Variants in C12orf50 observed in about 807,000 individuals in gnomAD.
C12orf50 encodes uncharacterized protein C12orf50.
Under a neutral mutation model 61.6 loss-of-function variants are expected in C12orf50, and 35 were observed. The ratio of observed to expected loss-of-function variants is 0.57; its 90% CI spans 0.43 to 0.75. The LOEUF is 0.75. Ranked by LOEUF, C12orf50 falls within the 30% of genes least tolerant of loss-of-function variation. C12orf50 has a pLI of 0.00. For synonymous variants in C12orf50, 178 were observed against 161.5 expected, an observed-to-expected ratio of 1.10 and a Z score of -0.77; for missense variants, 475 against 488.5, an observed-to-expected ratio of 0.97 and a Z score of 0.26.
chr12:87,982,400 C>T (rs1026131949), intron 12 of C12orf50, among the ~76,000 whole-genome samples: 1 of 152,176 alleles, frequency 6.6e-6, no homozygotes, highest in Non-Finnish European at 1.5e-5. Context: ...CCTTGAGTCA[C>T]AGTTGTAGTC....
At chr12:88,017,565 A>C (rs886737366) in intron 3 of C12orf50, among the ~76,000 whole-genome samples, 1 of 152,208 alleles carries the variant, frequency 6.6e-6, no homozygotes, top group Admixed American at 6.5e-5. Flanking sequence ...AAAAATGTGG[A>C]AGCAACTTTG....
chr12:88,017,559 A>C (rs796863853), intron 3 of C12orf50, among the ~76,000 whole-genome samples: 1 of 152,352 alleles, frequency 6.6e-6, no homozygotes, highest in African/African-American at 2.4e-5. Flanking sequence ...ATACCCAAAA[A>C]TGTGGAAGCA....
At chr12:88,028,708 C>A (rs2032795257) in intron 1 of C12orf50, among the ~76,000 whole-genome samples, 1 of 152,026 alleles carries the variant, frequency 6.6e-6, no homozygotes, top group African/African-American at 2.4e-5. Flanking sequence ...TGACTGGAAT[C>A]ATATTAACTA....
intron 2 of C12orf50, 150 bp from the exon 3 acceptor site, chr12:88,026,758 G>T (rs2032722655): frequency 1.5e-6 from 2 of 1,324,534 alleles, no homozygotes; most frequent in Non-Finnish European, 2.0e-6. Context: ...GTGTTTCTAA[G>T]CCCTGCTATT....
rs1367949005 is a variant in C12orf50 at position 88,021,839 on chromosome 12, A to G, written c.133+4649T>C. Among the ~76,000 whole-genome samples, 5 of 152,226 alleles carry G rather than the reference A, an allele frequency of 3.3e-5. No homozygotes were observed. The East Asian group carries it at 9.6e-4, about 29-fold the overall frequency. On this transcript the variant is annotated intron_variant, in intron 3 of 12. Transcript: ENST00000298699. Reference sequence around the variant, plus strand: ...GACCAATACTGAGTTCTATAACTGTATAAGTAAGAAAAAGCCTACCAACCA... The same window carrying G: ...GACCAATACTGAGTTCTATAACTGTGTAAGTAAGAAAAAGCCTACCAACCA...
intron 3 of C12orf50, among the ~76,000 whole-genome samples, chr12:88,017,928 G>C (rs2032371301): frequency 6.6e-6 from 1 of 152,146 alleles, no homozygotes. Context: ...GCTGCTAAAG[G>C]CATTCAGTTC....
At chr12:87,998,852 A>C (rs2031532911) in intron 3 of C12orf50, among the ~76,000 whole-genome samples, 2 of 152,224 alleles carry the variant, frequency 1.3e-5, no homozygotes, top group South Asian at 4.1e-4. Flanking sequence ...TAGACCATTC[A>C]ATGGGGGAAA....
chr12:87,989,862 A>G (rs1238269537), intron 7 of C12orf50, among the ~76,000 whole-genome samples: 1 of 152,180 alleles, frequency 6.6e-6, no homozygotes, highest in African/African-American at 2.4e-5. Flanking sequence ...TTTTAAAATG[A>G]CACCCAAATG....
At chr12:88,028,580 ATTAC>A (rs763465054) in intron 1 of C12orf50, among the ~76,000 whole-genome samples, 9 of 152,082 alleles carry the variant, frequency 5.9e-5, no homozygotes, top group Non-Finnish European at 1.3e-4. Flanking sequence ...AATATTTGTT[ATTAC>A]TTAGACTTTT....
intron 8 of C12orf50, 135 bp downstream of exon 8, chr12:87,989,129 T>C (rs2030992764): frequency 1.6e-5 from 10 of 615,862 alleles, no homozygotes; most frequent in Non-Finnish European, 2.8e-5. Flanking sequence ...GACTGGAACC[T>C]TAGAGCTCTT....
At chr12:87,996,522 T>A in intron 5 of C12orf50, 35 bp from the exon 6 acceptor site, 1 of 1,590,426 alleles carries the variant, frequency 6.3e-7, no homozygotes, top group Non-Finnish European at 8.6e-7. Flanking sequence ...GGTTAGTATA[T>A]TTATCACATC....
intron 12 of C12orf50, 56 bp from the exon 13 acceptor site, chr12:87,980,412 T>C: frequency 1.4e-6 from 2 of 1,436,736 alleles, no homozygotes; most frequent in East Asian, 2.3e-5. Context: ...CGCACTGATA[T>C]TTTGTTCTTC....
rs371924944 is a variant in C12orf50 at position 88,005,912 on chromosome 12, GTT to G, written c.134-7724_134-7723del. On this transcript the variant is annotated intron_variant, in intron 3 of 12. Transcript: ENST00000298699. The stretch of plus-strand genomic sequence containing the variant: ...AGGACTATGTTTTTTTGTTTTTTTG[GTT>G]TTTTTTTTTTTTTTTTTTTTGAGAC... Among the ~76,000 whole-genome samples, 21 of 91,026 alleles carry G rather than the reference GTT, an allele frequency of 2.3e-4. 1 individual carries two copies. Among genetic ancestry groups the G allele is most frequent in the African/African-American group, 5.6e-4 (13 of 23,084 alleles). 59.7% of individuals were successfully genotyped at this position (91,026 alleles called of 152,430 possible).
intron 3 of C12orf50, among the ~76,000 whole-genome samples, chr12:88,018,655 G>A (rs1278978638): frequency 2.6e-5 from 4 of 152,174 alleles, no homozygotes; most frequent in African/African-American, 9.7e-5. Flanking sequence ...AAGCAGCCAG[G>A]AGCAGGGGCT....
chr12:88,021,000 T>C (rs1677567544), intron 3 of C12orf50, among the ~76,000 whole-genome samples: 1 of 152,062 alleles, frequency 6.6e-6, no homozygotes. Flanking sequence ...TGAGAACAGA[T>C]ACAACATACC....
At chr12:88,024,580 C>T (rs1228128420) in intron 3 of C12orf50, among the ~76,000 whole-genome samples, 1 of 151,916 alleles carries the variant, frequency 6.6e-6, no homozygotes, top group East Asian at 1.9e-4. Flanking sequence ...TAAATGATAA[C>T]CCAAAGAGAG....
At position 87,989,333 on chromosome 12, in the gene C12orf50, C is replaced by T; in HGVS notation, c.631G>A (p.Gly211Arg). The T allele has an allele frequency of 6.2e-7, 1 of 1,611,742 alleles. No homozygotes were observed. The highest frequency in any genetic ancestry group is 8.5e-7 in the Non-Finnish European group (1 of 1,178,668). The change falls in exon 8 of 13, where the codon GGA (glycine) becomes AGA (arginine). Residue 211 changes from glycine to arginine, a missense_variant. By Grantham distance (125) the Gly-to-Arg change is moderately radical. Transcript: ENST00000298699. ...CYVPQRVIFL[G>R]VDESEALTEE... The stretch of plus-strand genomic sequence containing the variant: ...GTTAAAGCTTCACTTTCATCGACTC[C>T]AAGAAATATGACCCTCTGTGGAACA...
intron 7 of C12orf50, among the ~76,000 whole-genome samples, chr12:87,991,893 A>G (rs2031140398): frequency 6.6e-6 from 1 of 152,166 alleles, no homozygotes; most frequent in Non-Finnish European, 1.5e-5. Context: ...GCTTTCATGC[A>G]TTGTTTTTAT....
chr12:87,994,452 C>T (rs954085121), intron 7 of C12orf50, among the ~76,000 whole-genome samples, 181 bp downstream of exon 7: 15 of 151,976 alleles, frequency 9.9e-5, no homozygotes, highest in African/African-American at 1.9e-4. Context: ...AACACAAATT[C>T]GCACAAGGTA....
Sources: gnomAD v4.1 joint callset for allele counts (sites outside exome capture counted in the v4.1 genomes callset) on GRCh38, gnomAD v4.1.1 for gene constraint, MANE v1.5 for transcripts, NCBI Gene and HGNC (gene_info 2026-07-23, HGNC 2026-07-21) for gene names.